Variants in RAPGEF4 observed in about 807,000 individuals in gnomAD.
The protein encoded by RAPGEF4 is Rap guanine nucleotide exchange factor 4.
In RAPGEF4, 66 loss-of-function variants were observed where a neutral mutation model predicts 147.9. That is an observed-to-expected ratio of 0.45 (90% CI 0.37 to 0.55). RAPGEF4 has a LOEUF of 0.55. Ranked by LOEUF, RAPGEF4 falls within the 20% of genes least tolerant of loss-of-function variation. The probability of loss-of-function intolerance (pLI) is 0.00; values close to 1 mark genes in which losing one functional copy is unlikely to be tolerated. For synonymous variants in RAPGEF4, 419 were observed against 442.7 expected (o/e 0.95, Z 0.67); for missense variants, 1,071 against 1,257.3 (o/e 0.85, Z 2.24).
chr2:172,810,897 A>G (rs1357533118), intron 3 of RAPGEF4, among the ~76,000 whole-genome samples: 1 of 152,240 alleles, frequency 6.6e-6, no homozygotes, highest in Non-Finnish European at 1.5e-5. Flanking sequence ...CGGTTTCCCC[A>G]GAAGCAGACC....
At chr2:172,970,886 G>A (rs1690409554) in intron 10 of RAPGEF4, among the ~76,000 whole-genome samples, 2 of 152,186 alleles carry the variant, frequency 1.3e-5, no homozygotes, top group African/African-American at 4.8e-5. Context: ...GCCCGTCCTG[G>A]TTTCGCAGGT....
At chr2:172,956,455 T>C (rs927103408) in intron 6 of RAPGEF4, among the ~76,000 whole-genome samples, 1 of 150,078 alleles carries the variant, frequency 6.7e-6, no homozygotes, top group Non-Finnish European at 1.5e-5. Context: ...TGTTTTATTG[T>C]TACAAAGTTT....
At chr2:173,001,396 CT>C (rs778852248) in intron 17 of RAPGEF4, 52 bp downstream of exon 17, 37 of 1,605,378 alleles carry the variant, frequency 2.3e-5, no homozygotes, top group Admixed American at 1.7e-5. Flanking sequence ...ACAACCCCCC[CT>C]ATCGAGGGCC....
chr2:172,987,269 T>A (rs1242991497), intron 12 of RAPGEF4, among the ~76,000 whole-genome samples: 4 of 152,048 alleles, frequency 2.6e-5, no homozygotes, highest in African/African-American at 9.7e-5. Context: ...GCCACTGCAC[T>A]CCAGCCTAGG....
At chr2:172,887,635 C>T (rs1331466370) in intron 4 of RAPGEF4, among the ~76,000 whole-genome samples, 2 of 152,182 alleles carry the variant, frequency 1.3e-5, no homozygotes, top group African/African-American at 2.4e-5. Flanking sequence ...GTATGGGCTA[C>T]AAAGCCCAAG....
chr2:172,908,761 G>T (rs377658317), intron 4 of RAPGEF4, among the ~76,000 whole-genome samples: 1 of 152,056 alleles, frequency 6.6e-6, no homozygotes, highest in South Asian at 2.1e-4. Flanking sequence ...GTGTGCCCTC[G>T]GCTGAGGGTA....
chr2:172,916,242 A>G (rs2150027582), intron 4 of RAPGEF4, among the ~76,000 whole-genome samples: 1 of 152,354 alleles, frequency 6.6e-6, no homozygotes, highest in Admixed American at 6.5e-5. Flanking sequence ...TGCCTGAGAC[A>G]AAGAACACCC....
intron 1 of RAPGEF4, among the ~76,000 whole-genome samples, chr2:172,760,374 G>T (rs1488036465): frequency 6.6e-6 from 1 of 152,196 alleles, no homozygotes; most frequent in African/African-American, 2.4e-5. Context: ...AAGAAATAAA[G>T]AAGAAAGAAG....
chr2:172,988,371 C>T, intron 13 of RAPGEF4, 99 bp downstream of exon 13: 2 of 1,486,602 alleles, frequency 1.3e-6, no homozygotes, highest in South Asian at 2.8e-5. Flanking sequence ...TTTGCAACAA[C>T]ATTGCTCCTA....
At chr2:173,038,317 C>T (rs764575932) in intron 29 of RAPGEF4, among the ~76,000 whole-genome samples, 5 of 152,268 alleles carry the variant, frequency 3.3e-5, no homozygotes, top group East Asian at 3.9e-4. Context: ...TTGGCAAATG[C>T]GTAAAGAAAC....
At chr2:172,809,552 A>T (rs1208976809) in intron 3 of RAPGEF4, among the ~76,000 whole-genome samples, 5 of 152,088 alleles carry the variant, frequency 3.3e-5, no homozygotes, top group Non-Finnish European at 2.9e-5. Flanking sequence ...TTTTTTAGAG[A>T]CAGAGTCTTG....
Position 172,844,169 on chromosome 2 carries a change from G to A in RAPGEF4, c.444+29744G>A, listed in dbSNP as rs560718917. Reference sequence around the variant, plus strand: ...CCAGGTAAGTCTGTGTACTCTGTCCGTGTCCAGACTTGGGGACTTGGAACA... The same window carrying A: ...CCAGGTAAGTCTGTGTACTCTGTCCATGTCCAGACTTGGGGACTTGGAACA... On this transcript the variant is annotated intron_variant, in intron 4 of 30. Coordinates refer to ENST00000397081, the MANE Select transcript of RAPGEF4 (RefSeq NM_007023.4). Among the ~76,000 whole-genome samples the A allele has an allele frequency of 1.5e-3, 235 of 152,266 alleles. 2 individuals carry two copies. The highest frequency in any genetic ancestry group is 1.9e-3 in the Non-Finnish European group (131 of 68,014).
chr2:172,834,417 T>C (rs1690702885), intron 4 of RAPGEF4, among the ~76,000 whole-genome samples: 1 of 152,156 alleles, frequency 6.6e-6, no homozygotes, highest in Non-Finnish European at 1.5e-5. Flanking sequence ...GTACATATTA[T>C]AAAGGCAGAG....
intron 4 of RAPGEF4, among the ~76,000 whole-genome samples, chr2:172,909,453 G>A (rs1474364409): frequency 6.6e-6 from 1 of 152,172 alleles, no homozygotes; most frequent in Non-Finnish European, 1.5e-5. Flanking sequence ...TTTGAAAAAC[G>A]ACTGAGTGAG....
At chr2:173,036,036 T>G in intron 27 of RAPGEF4, 89 bp from the exon 28 acceptor site, 1 of 952,306 alleles carries the variant, frequency 1.1e-6, no homozygotes, top group South Asian at 1.3e-5. Context: ...TGTACCTGAT[T>G]GTGGGGTGAA....
intron 5 of RAPGEF4, among the ~76,000 whole-genome samples, chr2:172,920,611 T>A (rs1408094485): frequency 6.6e-6 from 1 of 152,168 alleles, no homozygotes; most frequent in African/African-American, 2.4e-5. Flanking sequence ...ACTATTAATG[T>A]CTTAGCCCAA....
intron 4 of RAPGEF4, chr2:172,859,922 G>A: frequency 1.6e-6 from 1 of 613,138 alleles, no homozygotes; most frequent in Non-Finnish European, 2.0e-6. Flanking sequence ...TATTGAAGAG[G>A]AGGCTCGGTA....
At chr2:172,971,373 A>G (rs982806827) in intron 10 of RAPGEF4, among the ~76,000 whole-genome samples, 2 of 152,212 alleles carry the variant, frequency 1.3e-5, no homozygotes, top group African/African-American at 4.8e-5. Context: ...ATCAAAATTT[A>G]GGTCTGCAGT....
At chr2:172,807,093 T>C (rs897848290) in intron 3 of RAPGEF4, among the ~76,000 whole-genome samples, 1 of 152,254 alleles carries the variant, frequency 6.6e-6, no homozygotes, top group Non-Finnish European at 1.5e-5. Context: ...AGGTGCCAAG[T>C]CCACAGCAGT....
Sources: allele counts gnomAD v4.1 joint callset (sites outside exome capture counted in the v4.1 genomes callset), GRCh38; gene constraint gnomAD v4.1.1; transcripts MANE v1.5; gene names NCBI Gene and HGNC (gene_info 2026-07-23, HGNC 2026-07-21).